The following PLPPR1 variants were observed in gnomAD, a reference collection of about 807,000 sequenced individuals.
The protein encoded by PLPPR1 is phospholipid phosphatase related 1.
In PLPPR1, 10 loss-of-function variants were observed where a neutral mutation model predicts 33.1. The observed-to-expected ratio is 0.30, with a 90% CI of 0.19 to 0.51. The LOEUF is 0.51. PLPPR1 is among the 20% of genes least tolerant of loss of function. The probability of loss-of-function intolerance (pLI) is 0.97; values close to 1 mark genes in which losing one functional copy is unlikely to be tolerated. For missense variants in PLPPR1, 304 were observed against 408.1 expected (o/e 0.74, Z 2.20); for synonymous variants, 151 against 151.0 (o/e 1.00, Z 0.00).
At chr9:101,311,834 T>G (rs1179743420) in intron 5 of PLPPR1, among the ~76,000 whole-genome samples, 2 of 152,222 alleles carry the variant, frequency 1.3e-5, no homozygotes, top group African/African-American at 4.8e-5. Context: ...TAAGCTCACA[T>G]AGCACATTTG....
chr9:101,081,735 A>G (rs1350785272), intron 1 of PLPPR1, among the ~76,000 whole-genome samples: 1 of 152,218 alleles, frequency 6.6e-6, no homozygotes, highest in Non-Finnish European at 1.5e-5. Context: ...GCAGAGATGT[A>G]TTTAAATCTT....
chr9:101,219,994 C>G (rs1252185826), intron 2 of PLPPR1, among the ~76,000 whole-genome samples: 1 of 152,130 alleles, frequency 6.6e-6, no homozygotes, highest in Non-Finnish European at 1.5e-5. Context: ...TAATGGAAGC[C>G]TCAACTGGAG....
intron 2 of PLPPR1, among the ~76,000 whole-genome samples, chr9:101,226,580 C>T (rs1476104410): frequency 6.6e-6 from 1 of 152,018 alleles, no homozygotes; most frequent in Non-Finnish European, 1.5e-5. Flanking sequence ...TCCTTGTGTT[C>T]TTATGTGGCA....
At chr9:101,248,536 C>A (rs1461492963) in intron 2 of PLPPR1, among the ~76,000 whole-genome samples, 3 of 151,942 alleles carry the variant, frequency 2.0e-5, no homozygotes, top group Non-Finnish European at 4.4e-5. Flanking sequence ...AACCAGAAAT[C>A]AATCAGAGAG....
intron 1 of PLPPR1, among the ~76,000 whole-genome samples, chr9:101,035,753 A>G: frequency 6.6e-6 from 1 of 152,206 alleles, no homozygotes; most frequent in South Asian, 2.1e-4. Context: ...TGACACTTCA[A>G]ATAAAGCAAC....
chr9:101,148,305 C>T (rs1831544843), intron 1 of PLPPR1, among the ~76,000 whole-genome samples: 1 of 152,162 alleles, frequency 6.6e-6, no homozygotes, highest in African/African-American at 2.4e-5. Context: ...ACTTCAAACC[C>T]TGCCCGGTCA....
intron 1 of PLPPR1, among the ~76,000 whole-genome samples, chr9:101,150,250 C>A (rs918733785): frequency 1.1e-4 from 16 of 151,998 alleles, no homozygotes; most frequent in African/African-American, 3.6e-4. Context: ...TTTGTAGAAT[C>A]CTTCCTTTTT....
chr9:101,114,441 G>A (rs1831095234), intron 1 of PLPPR1, among the ~76,000 whole-genome samples: 1 of 152,190 alleles, frequency 6.6e-6, no homozygotes, highest in Non-Finnish European at 1.5e-5. Context: ...ATATGGCTGT[G>A]TGGATAGGGT....
At chr9:101,194,618 G>T (rs1241555667) in intron 2 of PLPPR1, among the ~76,000 whole-genome samples, 1 of 152,084 alleles carries the variant, frequency 6.6e-6, no homozygotes, top group Non-Finnish European at 1.5e-5. Context: ...AGGCATGGTG[G>T]TGCACGCCTG....
intron 3 of PLPPR1, among the ~76,000 whole-genome samples, chr9:101,270,304 T>TA (rs1251509381): frequency 6.6e-6 from 1 of 152,100 alleles, no homozygotes. Context: ...ATGTTTTTTT[T>TA]TAAAAAGCAT....
At position 101,237,854 on chromosome 9, in the gene PLPPR1, G is replaced by GTA. The variant is rs1261558128; in HGVS notation, c.64-32013_64-32012dup. 2.8e-3 allele frequency among the ~76,000 whole-genome samples: 340 copies of GTA among 120,894 alleles called. 6 individuals are homozygous for GTA. The highest frequency in any genetic ancestry group is 9.0e-3 in the African/African-American group (279 of 30,928). 79.3% of individuals were successfully genotyped at this position (120,894 alleles called of 152,430 possible). A position where few individuals can be genotyped will look rare whatever the true frequency, so the allele number is the denominator to read the frequency against. ...ATATATATGCTATATATGTGTGTGT[G>GTA]TATATATATATATACACACACATAT... On this transcript the variant is annotated intron_variant, in intron 2 of 7. Coordinates refer to ENST00000374874, the MANE Select transcript of PLPPR1 (RefSeq NM_207299.2).
intron 2 of PLPPR1, among the ~76,000 whole-genome samples, chr9:101,241,736 T>C (rs558089605): frequency 6.6e-6 from 1 of 152,150 alleles, no homozygotes; most frequent in East Asian, 1.9e-4. Context: ...TGCCAGATAA[T>C]CACATTCCTT....
At chr9:101,223,357 G>A (rs1185166923) in intron 2 of PLPPR1, among the ~76,000 whole-genome samples, 1 of 151,474 alleles carries the variant, frequency 6.6e-6, no homozygotes, top group Non-Finnish European at 1.5e-5. Flanking sequence ...ACCTTAATTG[G>A]GGAAATCGTG....
intron 1 of PLPPR1, among the ~76,000 whole-genome samples, chr9:101,030,745 C>G (rs1829935511): frequency 6.6e-6 from 1 of 151,958 alleles, no homozygotes; most frequent in Non-Finnish European, 1.5e-5. Context: ...GGGGTGAGGG[C>G]TTCTCTTCAC....
At chr9:101,225,822 A>G (rs1246295378) in intron 2 of PLPPR1, among the ~76,000 whole-genome samples, 2 of 149,576 alleles carry the variant, frequency 1.3e-5, no homozygotes, top group Non-Finnish European at 3.0e-5. Context: ...GATCATTAAG[A>G]TGCTTTGTAA....
chr9:101,050,263 T>C (rs993382890), intron 1 of PLPPR1, among the ~76,000 whole-genome samples: 1 of 152,286 alleles, frequency 6.6e-6, no homozygotes, highest in Middle Eastern at 3.4e-3. Flanking sequence ...CCAAATTGAT[T>C]TGATTTTTCC....
At chr9:101,158,177 A>G (rs558061514) in intron 1 of PLPPR1, among the ~76,000 whole-genome samples, 1 of 152,298 alleles carries the variant, frequency 6.6e-6, no homozygotes, top group African/African-American at 2.4e-5. Flanking sequence ...GCTTCAATAG[A>G]GAAATGGTAA....
intron 1 of PLPPR1, among the ~76,000 whole-genome samples, chr9:101,031,574 A>G (rs559636823): frequency 1.1e-3 from 166 of 152,292 alleles, no homozygotes; most frequent in African/African-American, 3.8e-3. Flanking sequence ...GAGGCTGGGG[A>G]AAAAAAGATA....
intron 1 of PLPPR1, among the ~76,000 whole-genome samples, chr9:101,155,541 C>A (rs1831669840): frequency 6.6e-6 from 1 of 152,128 alleles, no homozygotes; most frequent in African/African-American, 2.4e-5. Context: ...CTAATCACCT[C>A]TTAAAGGCCC....
Sources: gnomAD v4.1 joint callset for allele counts (sites outside exome capture counted in the v4.1 genomes callset) on GRCh38, gnomAD v4.1.1 for gene constraint, MANE v1.5 for transcripts, NCBI Gene and HGNC (gene_info 2026-07-23, HGNC 2026-07-21) for gene names.